Variants in FRMD3 observed in about 807,000 individuals in gnomAD.
The protein encoded by FRMD3 is FERM domain containing 3.
In FRMD3, 33 loss-of-function variants were observed where a neutral mutation model predicts 70.2. The ratio of observed to expected loss-of-function variants is 0.47; its 90% CI spans 0.36 to 0.63. FRMD3 has a LOEUF of 0.63. Ranked by LOEUF, FRMD3 falls within the 20% of genes least tolerant of loss-of-function variation. The pLI is 0.00. For missense variants in FRMD3, 632 were observed against 711.4 expected (o/e 0.89, Z 1.27); for synonymous variants, 279 against 255.9 (o/e 1.09, Z -0.86).
At chr9:83,274,635 C>T (rs1833735636) in intron 13 of FRMD3, among the ~76,000 whole-genome samples, 1 of 152,084 alleles carries the variant, frequency 6.6e-6, no homozygotes, top group Non-Finnish European at 1.5e-5. Flanking sequence ...ATAAGAGGGT[C>T]CAGGTGGGAC....
At chr9:83,299,439 G>A (rs1007738564) in intron 10 of FRMD3, among the ~76,000 whole-genome samples, 5 of 152,278 alleles carry the variant, frequency 3.3e-5, no homozygotes, top group Admixed American at 6.5e-5. Flanking sequence ...CCCACATACT[G>A]GGTTTCATAA....
intron 5 of FRMD3, among the ~76,000 whole-genome samples, chr9:83,336,599 A>T (rs140379195): frequency 1.5e-4 from 22 of 145,944 alleles, no homozygotes; most frequent in African/African-American, 5.1e-4. Context: ...TAAGGAGTAT[A>T]CATCTAAAAC....
At chr9:83,436,237 G>A (rs1015525794) in intron 1 of FRMD3, among the ~76,000 whole-genome samples, 7 of 152,114 alleles carry the variant, frequency 4.6e-5, no homozygotes, top group East Asian at 1.9e-4. Context: ...AGAAATGTCC[G>A]TGGAAATCCA....
chr9:83,331,786 T>G, intron 6 of FRMD3: 1 of 694,156 alleles, frequency 1.4e-6, no homozygotes, highest in Non-Finnish European at 2.6e-6. Context: ...GAAAAACAAC[T>G]CTATTAGTCA....
At chr9:83,259,953 G>A (rs186192928) in intron 13 of FRMD3, among the ~76,000 whole-genome samples, 10 of 152,266 alleles carry the variant, frequency 6.6e-5, no homozygotes, top group Admixed American at 4.6e-4. Context: ...ATATGATGGA[G>A]TGAAAAGAGC....
chr9:83,570,407 T>G, the FRMD3 span, among the ~76,000 whole-genome samples: 13 of 152,256 alleles, frequency 8.5e-5, no homozygotes, highest in Non-Finnish European at 1.6e-4. Flanking sequence ...ATATTACTTT[T>G]GAACTACTGG....
At chr9:83,571,020 T>C in the FRMD3 span, among the ~76,000 whole-genome samples, 3 of 152,188 alleles carry the variant, frequency 2.0e-5, no homozygotes, top group Non-Finnish European at 4.4e-5. Flanking sequence ...TGATTCCCAA[T>C]GTGGCAATGT....
At chr9:83,470,507 G>A (rs958366309) in intron 1 of FRMD3, among the ~76,000 whole-genome samples, 11 of 152,198 alleles carry the variant, frequency 7.2e-5, no homozygotes, top group African/African-American at 2.2e-4. Flanking sequence ...CCTAGTAAAC[G>A]TTTATTTGTT....
intron 1 of FRMD3, among the ~76,000 whole-genome samples, chr9:83,486,189 T>C (rs1025613193): frequency 7.2e-5 from 11 of 152,136 alleles, no homozygotes; most frequent in South Asian, 2.1e-4. Context: ...AGAGGCACAA[T>C]TTTGAAATTT....
chr9:83,394,648 G>C (rs558391665), intron 1 of FRMD3, among the ~76,000 whole-genome samples: 10 of 152,268 alleles, frequency 6.6e-5, no homozygotes, highest in South Asian at 6.2e-4. Context: ...GAGTGGACCA[G>C]AGTCAGTAGT....
chr9:83,501,490 A>T (rs17086386), intron 1 of FRMD3, among the ~76,000 whole-genome samples: 8,164 of 152,306 alleles, frequency 0.054, 306 homozygotes, highest in East Asian at 0.2. Flanking sequence ...ACTATAATAC[A>T]TTCAGGCTAT....
chr9:83,275,484 G>A (rs533692271), intron 13 of FRMD3, among the ~76,000 whole-genome samples: 10 of 152,064 alleles, frequency 6.6e-5, no homozygotes, highest in Non-Finnish European at 1.3e-4. Context: ...TTGCTCCAAG[G>A]CAGAAAGACC....
chr9:83,489,519 C>T (rs1828767723), intron 1 of FRMD3, among the ~76,000 whole-genome samples: 1 of 152,172 alleles, frequency 6.6e-6, no homozygotes, highest in African/African-American at 2.4e-5. Context: ...CTCAACATCA[C>T]TAATTATCAG....
rs1435858119 is a variant in FRMD3 at position 83,335,619 on chromosome 9, G to A, written c.493C>T (p.Pro165Ser). 6.2e-7 allele frequency: 1 copy of A among 1,612,880 alleles called. No homozygotes were observed. Among genetic ancestry groups the A allele is most frequent in the East Asian group, 2.2e-5 (1 of 44,862 alleles). ...ATGTAATTCTCAGGATGCTCATCAGGATCGTAATCACCAAGCTCAGCTGTA... is the reference window on the plus strand; with the variant it reads ...ATGTAATTCTCAGGATGCTCATCAGAATCGTAATCACCAAGCTCAGCTGTA... ...IVQAELGDYD[P>S]DEHPENYISE... Residue 165 changes from proline to serine, a missense_variant, in exon 6 of 14, where the codon CCT becomes TCT. Physicochemically the swap from Pro to Ser is moderately conservative, Grantham distance 74. Around this residue, in one of 3 missense-constraint regions of FRMD3, gnomAD observed 208 missense variants for 247.7 expected, o/e 0.84. Transcript: ENST00000304195.
chr9:83,372,986 A>G (rs942528161), intron 2 of FRMD3, 31 bp from the exon 3 acceptor site: 23 of 1,562,520 alleles, frequency 1.5e-5, no homozygotes, highest in South Asian at 2.3e-5. Flanking sequence ...AGCAGAGATC[A>G]GGGGTCAAAT....
intron 3 of FRMD3, among the ~76,000 whole-genome samples, chr9:83,365,042 T>C (rs1176073275): frequency 1.3e-5 from 2 of 152,208 alleles, no homozygotes; most frequent in African/African-American, 4.8e-5. Context: ...TCTTACTATG[T>C]CTCCTTTAAT....
intron 13 of FRMD3, among the ~76,000 whole-genome samples, chr9:83,263,469 T>A (rs1314932562): frequency 6.6e-6 from 1 of 152,074 alleles, no homozygotes; most frequent in African/African-American, 2.4e-5. Flanking sequence ...GTAGAAATCA[T>A]TACATGTCAT....
At chr9:83,433,164 A>G (rs1008845311) in intron 1 of FRMD3, among the ~76,000 whole-genome samples, 6 of 152,188 alleles carry the variant, frequency 3.9e-5, no homozygotes, top group African/African-American at 1.4e-4. Context: ...GGTTGATTCC[A>G]TATCTTTGCA....
chr9:83,552,502 G>A, the FRMD3 span, among the ~76,000 whole-genome samples: 15 of 152,150 alleles, frequency 9.9e-5, no homozygotes, highest in Non-Finnish European at 1.8e-4. Flanking sequence ...TTGGTCCAAT[G>A]TTCACTTTAG....
Sources: gnomAD v4.1 joint callset for allele counts (sites outside exome capture counted in the v4.1 genomes callset) on GRCh38, gnomAD v4.1.1 for gene constraint, gnomAD v4.1.1 regional missense constraint, MANE v1.5 for transcripts, NCBI Gene and HGNC (gene_info 2026-07-23, HGNC 2026-07-21) for gene names.